The following HIP1 variants were observed in gnomAD, a reference collection of about 807,000 sequenced individuals.
HIP1 encodes the protein huntingtin-interacting protein 1.
A neutral mutation model predicts 147.6 loss-of-function variants in HIP1; 65 were observed. That is an observed-to-expected ratio of 0.44 (90% CI 0.36 to 0.54). The LOEUF (loss-of-function observed/expected upper bound fraction) is 0.54, where lower values mean the gene tolerates loss of function less well. Among genes scored for constraint, HIP1 ranks in the 20% least tolerant of loss-of-function variants. HIP1 has a pLI of 0.00. For synonymous variants in HIP1, 479 were observed against 504.0 expected, an observed-to-expected ratio of 0.95 and a Z score of 0.67; for missense variants, 1,061 against 1,299.6, an observed-to-expected ratio of 0.82 and a Z score of 2.82.
intron 1 of HIP1, among the ~76,000 whole-genome samples, chr7:75,719,350 A>G (rs1173872021): frequency 1.3e-5 from 2 of 151,882 alleles, no homozygotes; most frequent in Non-Finnish European, 2.9e-5. Context: ...TAAAAATACA[A>G]AAAATTAGCC....
intron 1 of HIP1, among the ~76,000 whole-genome samples, chr7:75,725,174 C>T (rs1027385828): frequency 5.9e-5 from 9 of 152,002 alleles, no homozygotes; most frequent in Non-Finnish European, 1.3e-4. Context: ...CAGGCATGCA[C>T]CACCACACCT....
At chr7:75,585,644 C>A (rs1554499469) in intron 5 of HIP1, among the ~76,000 whole-genome samples, 2 of 151,958 alleles carry the variant, frequency 1.3e-5, no homozygotes, top group African/African-American at 4.8e-5. Context: ...AGCCCGACTC[C>A]CCGCCTCAGC....
At chr7:75,588,948 C>T (rs762079327) in intron 4 of HIP1, among the ~76,000 whole-genome samples, 95 of 152,090 alleles carry the variant, frequency 6.2e-4, no homozygotes, top group Non-Finnish European at 1.2e-3. Context: ...GTTAGGAGTT[C>T]GAAACCAGCC....
intron 1 of HIP1, among the ~76,000 whole-genome samples, chr7:75,606,411 C>T (rs587721074): frequency 1.3e-5 from 2 of 152,094 alleles, no homozygotes; most frequent in Non-Finnish European, 2.9e-5. Context: ...GAAACCCCAT[C>T]TCTACTAAAA....
At chr7:75,695,969 G>A (rs1258968396) in intron 1 of HIP1, among the ~76,000 whole-genome samples, 1 of 151,678 alleles carries the variant, frequency 6.6e-6, no homozygotes, top group Non-Finnish European at 1.5e-5. Context: ...CTTGGCATTT[G>A]CTTTCCTCCT....
At chr7:75,599,129 C>T (rs1796874861) in intron 2 of HIP1, 55 bp downstream of exon 2, 1 of 1,355,650 alleles carries the variant, frequency 7.4e-7, no homozygotes, top group Non-Finnish European at 1.1e-6. Context: ...GACCTCAGTC[C>T]CCATGAGCTG....
chr7:75,574,216 C>T (rs1795752689), intron 7 of HIP1, among the ~76,000 whole-genome samples: 1 of 151,284 alleles, frequency 6.6e-6, no homozygotes, highest in Admixed American at 6.6e-5. Flanking sequence ...TCGCTTGAAC[C>T]CGAGAGGCAG....
chr7:75,681,209 A>G (rs2117270286), intron 1 of HIP1, among the ~76,000 whole-genome samples: 1 of 152,152 alleles, frequency 6.6e-6, no homozygotes, highest in Non-Finnish European at 1.5e-5. Context: ...CACCGCGCCC[A>G]GTGATAAAAT....
intron 2 of HIP1, among the ~76,000 whole-genome samples, chr7:75,597,873 C>T (rs1225714337): frequency 6.6e-6 from 1 of 152,136 alleles, no homozygotes; most frequent in Non-Finnish European, 1.5e-5. Context: ...ATTAAGCGCT[C>T]CAGTTCCTGG....
intron 26 of HIP1, 54 bp downstream of exon 26, chr7:75,545,034 T>C: frequency 1.9e-6 from 2 of 1,048,874 alleles, no homozygotes; most frequent in South Asian, 2.7e-5. Context: ...TTGTTTGGAG[T>C]GGATCAATGG....
chr7:75,561,276 C>G (rs999731769), intron 13 of HIP1, 53 bp downstream of exon 13: 1 of 1,260,718 alleles, frequency 7.9e-7, no homozygotes, highest in African/African-American at 1.5e-5. Flanking sequence ...ATTTAACATT[C>G]AAATCTACCG....
chr7:75,733,416 T>G (rs1554523291), intron 1 of HIP1: 1 of 147,088 alleles, frequency 6.8e-6, no homozygotes, highest in East Asian at 2.0e-4. Flanking sequence ...TTTCTTTTCC[T>G]TTCTTTTCTT....
At chr7:75,547,087 C>A (rs1167802) in intron 24 of HIP1, 55 bp from the exon 25 acceptor site, 1,017,761 of 1,389,600 alleles carry the variant, frequency 0.73, 377,323 homozygotes, top group African/African-American at 0.85. Context: ...GATCAATGAA[C>A]ACGACGGTTC....
rs1794054524 is a variant in HIP1, at chr7:75,535,631, A to T, written c.*2541T>A. On this transcript the variant is annotated 3_prime_UTR_variant, in exon 31 of 31. Transcript: ENST00000336926. ...CGTCTTGGCCTCCCAAAGTTCTGGG[A>T]TTACAGGCATGCGCCACTGTGCCCG... 1 of 183,048 alleles carries T rather than the reference A, an allele frequency of 5.5e-6. No individual in the cohort carries two copies. The highest frequency in any genetic ancestry group is 1.2e-5 in the Non-Finnish European group (1 of 85,956). 11.3% of individuals were successfully genotyped at this position (183,048 alleles called of 1,614,324 possible). A position where few individuals can be genotyped will look rare whatever the true frequency, so the allele number is the denominator to read the frequency against.
At chr7:75,667,880 T>G (rs958934542) in intron 1 of HIP1, among the ~76,000 whole-genome samples, 1 of 152,254 alleles carries the variant, frequency 6.6e-6, no homozygotes, top group Non-Finnish European at 1.5e-5. Context: ...TAAGACGCAA[T>G]GCCAATTCTA....
chr7:75,604,256 T>C (rs957764854), intron 1 of HIP1, among the ~76,000 whole-genome samples: 24 of 151,960 alleles, frequency 1.6e-4, no homozygotes, highest in Non-Finnish European at 5.9e-5. Context: ...TATAAACACA[T>C]AGAAGGACAA....
At chr7:75,633,956 AGCTATAGG>A in intron 1 of HIP1, among the ~76,000 whole-genome samples, 1 of 152,232 alleles carries the variant, frequency 6.6e-6, no homozygotes, top group East Asian at 1.9e-4. Flanking sequence ...TTTTAAAAAC[AGCTATAGG>A]GCTATAGGGA....
intron 1 of HIP1, among the ~76,000 whole-genome samples, chr7:75,601,955 C>T (rs1796996892): frequency 6.6e-6 from 1 of 151,624 alleles, no homozygotes; most frequent in African/African-American, 2.4e-5. Context: ...AAACTTTGAC[C>T]CAGTAATCTC....
rs182954554 is a variant in HIP1 at position 75,558,456 on chromosome 7, G to A, written c.1376-201C>T. On this transcript the variant is annotated intron_variant, in intron 14 of 30. Coordinates refer to ENST00000336926, the MANE Select transcript of HIP1 (RefSeq NM_005338.7). ...GGGCTCAAGTCATCCTCCCACCCCA[G>A]TCTCCTGAGTAGCTGGGTTCATGGG... Among the ~76,000 whole-genome samples, 3 of 152,174 alleles carry A rather than the reference G, an allele frequency of 2.0e-5. No individual in the cohort carries two copies. In the East Asian group the frequency reaches 5.8e-4, roughly 29 times the overall value.
Sources: gnomAD v4.1 joint callset for allele counts (sites outside exome capture counted in the v4.1 genomes callset) on GRCh38, gnomAD v4.1.1 for gene constraint, MANE v1.5 for transcripts, NCBI Gene and HGNC (gene_info 2026-07-23, HGNC 2026-07-21) for gene names.